The following CFAP44 variants were observed in gnomAD, a reference collection of about 807,000 sequenced individuals.
CFAP44 encodes cilia- and flagella-associated protein 44.
CFAP44 carries 134 observed loss-of-function variants against 216.2 expected under a neutral mutation model. The observed-to-expected ratio is 0.62, with a 90% CI of 0.54 to 0.72. CFAP44 has a LOEUF of 0.72. Ranked by LOEUF, CFAP44 falls within the 30% of genes least tolerant of loss-of-function variation. The pLI is 0.00. For synonymous variants in CFAP44, 700 were observed against 727.6 expected (o/e 0.96, Z 0.61); for missense variants, 2,035 against 2,182.1 (o/e 0.93, Z 1.34).
At chr3:113,427,027 G>A in intron 3 of CFAP44, 160 bp downstream of exon 3, 1 of 723,278 alleles carries the variant, frequency 1.4e-6, no homozygotes, top group East Asian at 2.9e-5. Context: ...GTCTAGGGCT[G>A]CTAAAGTACC....
chr3:113,438,257 A>T (rs1384795302), intron 1 of CFAP44, among the ~76,000 whole-genome samples: 2 of 152,194 alleles, frequency 1.3e-5, no homozygotes, highest in African/African-American at 4.8e-5. Context: ...CTGAAAGAGG[A>T]CTTTAGTTTA....
intron 28 of CFAP44, among the ~76,000 whole-genome samples, chr3:113,319,945 G>A (rs1950126620): frequency 1.3e-5 from 2 of 152,038 alleles, no homozygotes; most frequent in Non-Finnish European, 2.9e-5. Context: ...GAACACTTCT[G>A]AGACTATTAT....
intron 7 of CFAP44, among the ~76,000 whole-genome samples, chr3:113,408,378 T>A (rs1934348316): frequency 6.6e-6 from 1 of 152,360 alleles, no homozygotes; most frequent in East Asian, 1.9e-4. Flanking sequence ...TATTGAGTGT[T>A]CCTTGTCAGG....
chr3:113,430,616 G>A (rs1358894985), intron 2 of CFAP44, among the ~76,000 whole-genome samples: 1 of 151,980 alleles, frequency 6.6e-6, no homozygotes, highest in Non-Finnish European at 1.5e-5. Context: ...GAGAAGAGAA[G>A]TGGGCAAATT....
chr3:113,356,243 GATA>G (rs1950491371), intron 22 of CFAP44, among the ~76,000 whole-genome samples: 2 of 150,686 alleles, frequency 1.3e-5, no homozygotes, highest in Admixed American at 6.6e-5. Flanking sequence ...GTTTATGTAA[GATA>G]ATATTTATTA....
Position 113,400,768 on chromosome 3 carries a change from A to G in CFAP44, c.1375-124T>C, listed in dbSNP as rs985390025. On this transcript the variant is annotated intron_variant, in intron 11 of 34. Coordinates refer to ENST00000393845, the MANE Select transcript of CFAP44 (RefSeq NM_001164496.2). ...GATTTTATTTGGATAGAAATAAGAA[A>G]AAGCCTAAAAAGTTAGAAAGAACAC... is the stretch of plus-strand genomic sequence containing the variant. 7 of 896,640 alleles carry G rather than the reference A, an allele frequency of 7.8e-6. No homozygotes were observed. The African/African-American group carries it at 1.2e-4, about 15-fold the overall frequency. 55.5% of individuals were successfully genotyped at this position (896,640 alleles called of 1,614,324 possible). A position where few individuals can be genotyped will look rare whatever the true frequency, so the allele number is the denominator to read the frequency against.
intron 21 of CFAP44, among the ~76,000 whole-genome samples, chr3:113,362,236 C>T (rs545247928): frequency 5.3e-5 from 8 of 152,206 alleles, no homozygotes; most frequent in African/African-American, 1.9e-4. Context: ...CCGGAGTGCT[C>T]TGTGAAGAAT....
chr3:113,378,914 A>G (rs1933427080), intron 17 of CFAP44, among the ~76,000 whole-genome samples: 1 of 152,188 alleles, frequency 6.6e-6, no homozygotes, highest in African/African-American at 2.4e-5. Context: ...CTGCCATGAA[A>G]GCTATTCTTT....
chr3:113,430,838 C>A (rs76828192), intron 2 of CFAP44, among the ~76,000 whole-genome samples: 4,355 of 152,096 alleles, frequency 0.029, 111 homozygotes, highest in East Asian at 0.1. Flanking sequence ...AAAATACCTC[C>A]CAAAATTATT....
chr3:113,439,926 T>C (rs1473655776), intron 1 of CFAP44, among the ~76,000 whole-genome samples: 2 of 152,214 alleles, frequency 1.3e-5, no homozygotes, highest in East Asian at 3.8e-4. Context: ...CAATGTGAAA[T>C]ACAGCTGTGG....
intron 4 of CFAP44, among the ~76,000 whole-genome samples, chr3:113,423,277 G>T (rs1934869740): frequency 6.6e-6 from 1 of 151,764 alleles, no homozygotes; most frequent in African/African-American, 2.4e-5. Context: ...ACCACACCTG[G>T]CTAATTTTTG....
chr3:113,414,964 G>C (rs1343429041), intron 6 of CFAP44, among the ~76,000 whole-genome samples: 2 of 151,648 alleles, frequency 1.3e-5, no homozygotes, highest in Non-Finnish European at 1.5e-5. Flanking sequence ...ATTTCTAGTA[G>C]AATTCTGCTG....
intron 18 of CFAP44, among the ~76,000 whole-genome samples, chr3:113,370,122 C>G (rs970548555): frequency 6.6e-6 from 1 of 152,108 alleles, no homozygotes. Context: ...CAGAACCAGA[C>G]AGATTCAAAG....
intron 32 of CFAP44, among the ~76,000 whole-genome samples, chr3:113,301,713 C>G (rs1258958368): frequency 6.6e-6 from 1 of 152,098 alleles, no homozygotes; most frequent in Non-Finnish European, 1.5e-5. Flanking sequence ...TGTGGAATGG[C>G]TAGATTGATA....
intron 5 of CFAP44, among the ~76,000 whole-genome samples, chr3:113,418,854 G>GC (rs1008265157): frequency 1.3e-5 from 2 of 151,946 alleles, no homozygotes; most frequent in Non-Finnish European, 2.9e-5. Flanking sequence ...ACAGGCGCGT[G>GC]CCACCATGCC....
chr3:113,369,956 A>C (rs919574431), intron 18 of CFAP44, among the ~76,000 whole-genome samples: 7 of 152,236 alleles, frequency 4.6e-5, no homozygotes, highest in Admixed American at 3.9e-4. Context: ...AAACACCTCT[A>C]TGCAAATAAA....
intron 4 of CFAP44, among the ~76,000 whole-genome samples, chr3:113,425,584 T>G (rs977938515): frequency 1.3e-5 from 2 of 152,204 alleles, no homozygotes; most frequent in East Asian, 3.9e-4. Flanking sequence ...TGCCTTACAA[T>G]GGACAGACAC....
intron 13 of CFAP44, among the ~76,000 whole-genome samples, chr3:113,397,923 T>C (rs1934034684): frequency 6.6e-6 from 1 of 151,832 alleles, no homozygotes; most frequent in Admixed American, 6.6e-5. Flanking sequence ...AATAAAGATA[T>C]CATAGTCTGC....
chr3:113,333,901 A>G (rs1485750263), intron 24 of CFAP44, among the ~76,000 whole-genome samples: 1 of 152,158 alleles, frequency 6.6e-6, no homozygotes, highest in Admixed American at 6.5e-5. Context: ...CTCTTGATAT[A>G]AATTAAGCCT....
Sources: gnomAD v4.1 joint callset for allele counts (sites outside exome capture counted in the v4.1 genomes callset) on GRCh38, gnomAD v4.1.1 for gene constraint, MANE v1.5 for transcripts, NCBI Gene and HGNC (gene_info 2026-07-23, HGNC 2026-07-21) for gene names.